REPS2: variants seen among roughly 807,000 people sequenced by gnomAD.
REPS2 encodes RALBP1 associated Eps domain containing 2.
REPS2 carries 23 observed loss-of-function variants against 53.6 expected under a neutral mutation model. The observed-to-expected ratio is 0.43, with a 90% CI of 0.31 to 0.61. The LOEUF (loss-of-function observed/expected upper bound fraction) is 0.61, where lower values mean the gene tolerates loss of function less well. Among genes scored for constraint, REPS2 ranks in the 20% least tolerant of loss-of-function variants. REPS2 has a pLI of 0.11. For synonymous variants in REPS2, 238 were observed against 218.6 expected (o/e 1.09, Z -0.78); for missense variants, 446 against 534.9 (o/e 0.83, Z 1.64).
intron 1 of REPS2, among the ~76,000 whole-genome samples, chrX:16,991,169 G>A (rs776528263): frequency 3.6e-5 from 4 of 111,436 alleles, no homozygotes; most frequent in African/African-American, 9.8e-5. Context: ...TTCTGGGTAC[G>A]GTTAACTTTT....
chrX:17,107,946 C>T (rs780511099), intron 14 of REPS2, among the ~76,000 whole-genome samples: 15 of 111,211 alleles, frequency 1.3e-4, no homozygotes, highest in African/African-American at 4.9e-4. Context: ...AAGACGGTCT[C>T]GCTGTGTCAC....
chrX:17,037,462 C>T (rs2061780311), intron 5 of REPS2, among the ~76,000 whole-genome samples: 1 of 112,293 alleles, frequency 8.9e-6, no homozygotes, highest in South Asian at 3.7e-4. Context: ...GCGTGCGCCA[C>T]TGCGCCTGGC....
At chrX:16,969,749 A>G (rs1226611993) in intron 1 of REPS2, among the ~76,000 whole-genome samples, 1 of 84,857 alleles carries the variant, frequency 1.2e-5, no homozygotes, top group African/African-American at 4.6e-5. Context: ...GGGGAGAGGG[A>G]GACCGAGAGG....
At chrX:17,047,562 A>G (rs2061925727) in intron 6 of REPS2, 80 bp downstream of exon 6, 6 of 1,068,349 alleles carry the variant, frequency 5.6e-6, no homozygotes, top group Non-Finnish European at 7.6e-6. Context: ...CAAAATGAGT[A>G]TGGCAGCCTT....
the REPS2 span, among the ~76,000 whole-genome samples, chrX:17,159,239 A>G: frequency 2.7e-5 from 3 of 111,678 alleles, no homozygotes; most frequent in Non-Finnish European, 3.8e-5. Flanking sequence ...TCAAGCTTCA[A>G]TGAGGCAGAA....
At chrX:17,130,908 A>G (rs1427757965) in intron 14 of REPS2, among the ~76,000 whole-genome samples, 3 of 112,195 alleles carry the variant, frequency 2.7e-5, no homozygotes, top group Non-Finnish European at 5.6e-5. Flanking sequence ...ATGAATTGCA[A>G]TGATCCATGC....
At chrX:17,024,939 TC>T in intron 3 of REPS2, 119 bp from the exon 4 acceptor site, 1 of 976,653 alleles carries the variant, frequency 1.0e-6, no homozygotes, top group Non-Finnish European at 1.5e-6. Context: ...AGAAAACATT[TC>T]CCCCCATTTG....
chrX:17,129,341 A>C (rs1228224526), intron 14 of REPS2, among the ~76,000 whole-genome samples: 1 of 112,161 alleles, frequency 8.9e-6, no homozygotes, highest in Non-Finnish European at 1.9e-5. Context: ...TACATGCCTA[A>C]ATCTCATCTT....
chrX:16,954,842 G>A (rs1316911913), intron 1 of REPS2, among the ~76,000 whole-genome samples: 1 of 71,227 alleles, frequency 1.4e-5, no homozygotes, highest in Non-Finnish European at 2.5e-5. Flanking sequence ...ACAGAGTCTT[G>A]CTCTGTCGCC....
chrX:17,064,852 A>G lies in REPS2; in HGVS notation c.1209+2320A>G, dbSNP rs755182167. Among the ~76,000 whole-genome samples the G allele has an allele frequency of 2.7e-5, 3 of 112,267 alleles. No individual in the cohort carries two copies. In the South Asian group the frequency reaches 1.1e-3, roughly 41 times the overall value. ...CTGTCTCTAGATTTGCCTATTCTGG[A>G]CATTTCATATAAATGGAAGCATATA... On this transcript the variant is annotated intron_variant, in intron 9 of 17. Coordinates refer to ENST00000357277, the MANE Select transcript of REPS2 (RefSeq NM_004726.3).
chrX:17,151,417 A>G lies in REPS2; in HGVS notation c.*3936A>G, dbSNP rs1335488558. ...GTAATAATAGATGTGTACTCAGAAG[A>G]TCAATAAGGTAATATTGGAATTCAT... On this transcript the variant is annotated 3_prime_UTR_variant, in exon 18 of 18. Coordinates refer to ENST00000357277, the MANE Select transcript of REPS2 (RefSeq NM_004726.3). 8.9e-6 allele frequency: 1 copy of G among 112,849 alleles called. No individual in the cohort carries two copies. Among genetic ancestry groups the G allele is most frequent in the Non-Finnish European group, 1.9e-5 (1 of 53,324 alleles). 9.3% of individuals were successfully genotyped at this position (112,849 alleles called of 1,213,427 possible). A position where few individuals can be genotyped will look rare whatever the true frequency, so the allele number is the denominator to read the frequency against.
chrX:17,054,789 T>A lies in REPS2; in HGVS notation c.972-19T>A. Reference sequence around the variant, plus strand: ...CTGTAAGCCCCATGGTAGGTACTCATGACATTTGTTTCATTTAGGGAGCTT... The same window carrying A: ...CTGTAAGCCCCATGGTAGGTACTCAAGACATTTGTTTCATTTAGGGAGCTT... On this transcript the variant is annotated intron_variant, in intron 7 of 17. Coordinates refer to ENST00000357277, the MANE Select transcript of REPS2 (RefSeq NM_004726.3). The A allele has an allele frequency of 1.7e-6, 2 of 1,207,678 alleles. No individual in the cohort carries two copies. Among genetic ancestry groups the A allele is most frequent in the South Asian group, 3.5e-5 (2 of 56,583 alleles).
At chrX:17,073,725 G>A (rs1305652460) in intron 11 of REPS2, among the ~76,000 whole-genome samples, 1 of 106,633 alleles carries the variant, frequency 9.4e-6, no homozygotes, top group African/African-American at 3.4e-5. Flanking sequence ...ATCCTTCAGG[G>A]TAGACTAGTT....
chrX:17,079,381 A>G (rs1337500169), intron 13 of REPS2, among the ~76,000 whole-genome samples: 1 of 111,585 alleles, frequency 9.0e-6, no homozygotes, highest in East Asian at 2.8e-4. Flanking sequence ...AGTTTCTCAG[A>G]AGGCTCGCAA....
chrX:17,003,325 C>T (rs998227498), intron 1 of REPS2, among the ~76,000 whole-genome samples: 3 of 111,101 alleles, frequency 2.7e-5, no homozygotes, highest in South Asian at 3.8e-4. Context: ...GCCTGGCAGG[C>T]AAAGAAATGG....
chrX:17,027,659 G>GTTT lies in REPS2; in HGVS notation c.674-1846_674-1844dup, dbSNP rs761592588. Among the ~76,000 whole-genome samples, 150 of 67,252 alleles carry GTTT rather than the reference G, an allele frequency of 2.2e-3. 1 individual carries two copies. Among genetic ancestry groups the GTTT allele is most frequent in the Non-Finnish European group, 3.1e-3 (118 of 37,956 alleles). 58.4% of individuals were successfully genotyped at this position (67,252 alleles called of 115,157 possible). On this transcript the variant is annotated intron_variant, in intron 4 of 17. Coordinates refer to ENST00000357277, the MANE Select transcript of REPS2 (RefSeq NM_004726.3). ...AACTTCAGAGTGATGAAATCTTTAGGTTTTTTTTTTTTTTTTTTTTTTTGT... is the reference window on the plus strand; with the variant it reads ...AACTTCAGAGTGATGAAATCTTTAGGTTTTTTTTTTTTTTTTTTTTTTTTTTGT...
chrX:17,081,720 G>C (rs1289884698), intron 13 of REPS2, among the ~76,000 whole-genome samples: 1 of 112,071 alleles, frequency 8.9e-6, no homozygotes, highest in Non-Finnish European at 1.9e-5. Flanking sequence ...TATGATCGCT[G>C]TGTGTAACAG....
intron 1 of REPS2, among the ~76,000 whole-genome samples, chrX:17,003,583 G>C (rs765310809): frequency 9.0e-6 from 1 of 111,468 alleles, no homozygotes; most frequent in African/African-American, 3.3e-5. Flanking sequence ...ACTTGAAACA[G>C]TCGAGGCGAG....
At chrX:17,159,064 C>G in the REPS2 span, among the ~76,000 whole-genome samples, 7 of 111,835 alleles carry the variant, frequency 6.3e-5, no homozygotes, top group African/African-American at 2.3e-4. Context: ...AAGAATATTT[C>G]AAAATATGAT....
Sources: allele counts gnomAD v4.1 joint callset (sites outside exome capture counted in the v4.1 genomes callset), GRCh38; gene constraint gnomAD v4.1.1; transcripts MANE v1.5; gene names NCBI Gene and HGNC (gene_info 2026-07-23, HGNC 2026-07-21).